The following FGF12 variants were observed in gnomAD, a reference collection of about 807,000 sequenced individuals.
The protein encoded by FGF12 is fibroblast growth factor 12.
Under a neutral mutation model 23.6 loss-of-function variants are expected in FGF12, and 14 were observed. That is an observed-to-expected ratio of 0.59 (90% CI 0.39 to 0.93). The LOEUF (loss-of-function observed/expected upper bound fraction) is 0.93, where lower values mean the gene tolerates loss of function less well. Ranked by LOEUF, FGF12 falls within the 40% of genes least tolerant of loss-of-function variation. The pLI, the probability that FGF12 is intolerant of heterozygous loss-of-function variation, is 0.00. For synonymous variants in FGF12, 62 were observed against 77.3 expected, an observed-to-expected ratio of 0.80 and a Z score of 1.04; for missense variants, 175 against 217.8, an observed-to-expected ratio of 0.80 and a Z score of 1.24.
In FGF12 at chr3:192,141,127, C is replaced by CAAAAAAA. The variant is rs1396299359; in HGVS notation, c.*2881_*2882insTTTTTTT. 5.6e-3 allele frequency: 123 copies of CAAAAAAA among 21,836 alleles called. 18 individuals are homozygous for CAAAAAAA. Among genetic ancestry groups the CAAAAAAA allele is most frequent in the East Asian group, 0.037 (21 of 560 alleles). 1.4% of individuals were successfully genotyped at this position (21,836 alleles called of 1,614,324 possible). A position where few individuals can be genotyped will look rare whatever the true frequency, so the allele number is the denominator to read the frequency against. ...TCCTGGGAAAAATCCCAATGCAACTCCAAAAAAAAAAAAAAAAAAAAAAAA... is the reference window on the plus strand; with the variant it reads ...TCCTGGGAAAAATCCCAATGCAACTCAAAAAAACAAAAAAAAAAAAAAAAAAAAAAAA... On this transcript the variant is annotated 3_prime_UTR_variant, in exon 6 of 6. Coordinates refer to ENST00000445105, the MANE Select transcript of FGF12 (RefSeq NM_004113.6).
At position 192,559,046 on chromosome 3, in the gene FGF12, T is replaced by A. The variant is rs144062442; in HGVS notation, c.13+168135A>T. On this transcript the variant is annotated intron_variant, in intron 2 of 5. Coordinates refer to ENST00000445105, the MANE Select transcript of FGF12 (RefSeq NM_004113.6). Reference sequence around the variant, plus strand: ...TCTTCATATCGCTTTTCACAAGGATTTCATTAATTTGACGCTGAAAATACA... The same window carrying A: ...TCTTCATATCGCTTTTCACAAGGATATCATTAATTTGACGCTGAAAATACA... Among the ~76,000 whole-genome samples, 45 of 152,044 alleles carry A rather than the reference T, an allele frequency of 3.0e-4. 1 individual carries two copies. In the East Asian group the frequency reaches 8.3e-3, roughly 28 times the overall value.
At chr3:192,370,126 G>A (rs369514963) in intron 2 of FGF12, among the ~76,000 whole-genome samples, 2 of 152,120 alleles carry the variant, frequency 1.3e-5, no homozygotes, top group Non-Finnish European at 2.9e-5. Flanking sequence ...GGCTGGAGGC[G>A]ACAGCAGAAA....
intron 2 of FGF12, among the ~76,000 whole-genome samples, chr3:192,670,490 C>T (rs1717070824): frequency 6.6e-6 from 1 of 151,900 alleles, no homozygotes; most frequent in African/African-American, 2.4e-5. Context: ...TCTTTAACAA[C>T]AATAGTATTT....
chr3:192,519,365 C>T (rs1375564075), intron 2 of FGF12, among the ~76,000 whole-genome samples: 1 of 152,120 alleles, frequency 6.6e-6, no homozygotes, highest in Non-Finnish European at 1.5e-5. Context: ...TGTCCAATGT[C>T]TTCTAATGAT....
intron 2 of FGF12, among the ~76,000 whole-genome samples, chr3:192,664,889 GT>G (rs1166124615): frequency 1.3e-5 from 2 of 152,150 alleles, no homozygotes; most frequent in African/African-American, 4.8e-5. Flanking sequence ...ACTATCTAGA[GT>G]TTTACTAACA....
intron 2 of FGF12, among the ~76,000 whole-genome samples, chr3:192,424,121 C>T (rs974381580): frequency 6.6e-6 from 1 of 151,728 alleles, no homozygotes; most frequent in Admixed American, 6.6e-5. Context: ...TTCCCCAAAA[C>T]GTCCCCAGTT....
At chr3:192,510,550 A>T (rs1161692209) in intron 2 of FGF12, among the ~76,000 whole-genome samples, 1 of 152,190 alleles carries the variant, frequency 6.6e-6, no homozygotes, top group African/African-American at 2.4e-5. Flanking sequence ...CAACTTTGAA[A>T]GACAGTTTGA....
intron 2 of FGF12, among the ~76,000 whole-genome samples, chr3:192,719,984 T>C (rs774553315): frequency 3.3e-5 from 5 of 152,238 alleles, no homozygotes; most frequent in East Asian, 3.8e-4. Flanking sequence ...GTGATAATTG[T>C]AGAAGTGAAT....
rs1180921082 is a variant in FGF12, at chr3:192,228,916, A to T, written c.229-58260T>A. ...AATACATTTGCAGTCACAGAGTTCA[A>T]TTACGTTTTTTTAAAATTAACTTAT... On this transcript the variant is annotated intron_variant, in intron 4 of 5. Coordinates refer to ENST00000445105, the MANE Select transcript of FGF12 (RefSeq NM_004113.6). Among the ~76,000 whole-genome samples, 4 of 152,208 alleles carry T rather than the reference A, an allele frequency of 2.6e-5. No homozygotes were observed. The East Asian group carries it at 7.7e-4, about 29-fold the overall frequency.
intron 2 of FGF12, among the ~76,000 whole-genome samples, chr3:192,574,354 T>G (rs963695270): frequency 6.6e-6 from 1 of 152,228 alleles, no homozygotes; most frequent in Admixed American, 6.5e-5. Context: ...GATGCAAGAA[T>G]TTTTAAAAAG....
chr3:192,389,144 G>T (rs1347977954), intron 2 of FGF12, among the ~76,000 whole-genome samples: 1 of 152,214 alleles, frequency 6.6e-6, no homozygotes, highest in African/African-American at 2.4e-5. Flanking sequence ...CGGATCACCA[G>T]ATGTCAGGAG....
At chr3:192,492,588 G>A (rs1369846537) in intron 2 of FGF12, among the ~76,000 whole-genome samples, 1 of 152,044 alleles carries the variant, frequency 6.6e-6, no homozygotes, top group Non-Finnish European at 1.5e-5. Flanking sequence ...AAAAAGTATG[G>A]TTATATTAAA....
chr3:192,697,002 C>A (rs1718146163), intron 2 of FGF12, among the ~76,000 whole-genome samples: 1 of 152,052 alleles, frequency 6.6e-6, no homozygotes, highest in Non-Finnish European at 1.5e-5. Flanking sequence ...GTTTGCCCCC[C>A]ACACTACCCT....
intron 2 of FGF12, among the ~76,000 whole-genome samples, chr3:192,488,858 C>T (rs1000640001): frequency 1.3e-5 from 2 of 152,086 alleles, no homozygotes; most frequent in Non-Finnish European, 2.9e-5. Context: ...AATGTGCTAT[C>T]TTTCTGTGCA....
chr3:192,154,459 T>A lies in FGF12; in HGVS notation c.428-10332A>T, dbSNP rs1347188739. 1.6e-5 allele frequency among the ~76,000 whole-genome samples: 2 copies of A among 125,358 alleles called. 1 individual carries two copies. The highest frequency in any genetic ancestry group is 3.5e-5 in the Non-Finnish European group (2 of 57,034). 82.2% of individuals were successfully genotyped at this position (125,358 alleles called of 152,430 possible). A position where few individuals can be genotyped will look rare whatever the true frequency, so the allele number is the denominator to read the frequency against. The stretch of plus-strand genomic sequence containing the variant: ...TTTTTGTGGTTTTATCTACTTTTGG[T>A]CTTTGATGATGGTGATATACAGATG... On this transcript the variant is annotated intron_variant, in intron 5 of 5. Coordinates refer to ENST00000445105, the MANE Select transcript of FGF12 (RefSeq NM_004113.6).
At chr3:192,252,126 A>G (rs1317882654) in intron 4 of FGF12, among the ~76,000 whole-genome samples, 1 of 152,080 alleles carries the variant, frequency 6.6e-6, no homozygotes, top group Non-Finnish European at 1.5e-5. Flanking sequence ...CTGTCTGACT[A>G]AATTTTGTAT....
intron 2 of FGF12, among the ~76,000 whole-genome samples, chr3:192,657,172 T>C (rs1716460270): frequency 6.6e-6 from 1 of 152,074 alleles, no homozygotes; most frequent in Non-Finnish European, 1.5e-5. Context: ...TGAAATGTAC[T>C]GTACATTTCT....
chr3:192,144,182 A>G, intron 5 of FGF12, 55 bp from the exon 6 acceptor site: 1 of 985,056 alleles, frequency 1.0e-6, no homozygotes, highest in Non-Finnish European at 1.6e-6. Context: ...ATTTCCTTCA[A>G]TAAGCTTTTC....
intron 2 of FGF12, among the ~76,000 whole-genome samples, chr3:192,552,699 T>G (rs1003916047): frequency 7.2e-5 from 11 of 152,156 alleles, no homozygotes; most frequent in Non-Finnish European, 1.5e-4. Context: ...CAGACCAGCC[T>G]GGCCAACATG....
Sources: allele counts gnomAD v4.1 joint callset (sites outside exome capture counted in the v4.1 genomes callset), GRCh38; gene constraint gnomAD v4.1.1; transcripts MANE v1.5; gene names NCBI Gene and HGNC (gene_info 2026-07-23, HGNC 2026-07-21).